CIROP: variants seen among roughly 807,000 people sequenced by gnomAD.
CIROP encodes ciliated left-right organizer metallopeptidase, also known as leishmanolysin homolog.
chr14:23,101,666 C>T, the CIROP span: 22 of 703,044 alleles, frequency 3.1e-5, no homozygotes, highest in African/African-American at 3.3e-4. Flanking sequence ...CTTATCTACT[C>T]ACCCCATTGG....
chr14:23,104,458 G>A, the CIROP span: 3 of 703,020 alleles, frequency 4.3e-6, no homozygotes, highest in East Asian at 2.7e-5. Flanking sequence ...CTCAGAAGCA[G>A]GGGTCCTTGC....
At chr14:23,101,523 C>A in the CIROP span, 3 of 639,282 alleles carry the variant, frequency 4.7e-6, no homozygotes, top group East Asian at 5.6e-5. Context: ...GGGGATTATC[C>A]ACCCCAGCAG....
chr14:23,103,873 G>A, the CIROP span: 249 of 680,316 alleles, frequency 3.7e-4, 1 homozygote, highest in East Asian at 6.4e-3. Context: ...TAGGAAATTG[G>A]GTATGAGGAG....
the CIROP span, chr14:23,099,548 C>T: frequency 1.6e-5 from 6 of 383,042 alleles, no homozygotes; most frequent in East Asian, 3.8e-5. Flanking sequence ...GTAGATAAAG[C>T]GGCATTACCT....
chr14:23,101,136 C>T, the CIROP span: 142 of 401,810 alleles, frequency 3.5e-4, no homozygotes, highest in Non-Finnish European at 4.1e-4. Flanking sequence ...AGTCTTCCTT[C>T]TAAGGAAAAT....
chr14:23,102,472 T>C, the CIROP span: 1 of 702,276 alleles, frequency 1.4e-6, no homozygotes, highest in Non-Finnish European at 2.6e-6. Context: ...AGTTGCCTTG[T>C]AGAACAGTTC....
At chr14:23,104,491 T>C in the CIROP span, 1 of 702,908 alleles carries the variant, frequency 1.4e-6, no homozygotes, top group Non-Finnish European at 2.6e-6. Context: ...TGATAAGAAG[T>C]CAGTTTCTCC....
At chr14:23,103,834 A>C in the CIROP span, 1 of 701,154 alleles carries the variant, frequency 1.4e-6, no homozygotes, top group Non-Finnish European at 2.6e-6. Context: ...AGGGAGTGAA[A>C]TGTTGCATTA....
the CIROP span, chr14:23,104,358 C>A: frequency 5.7e-6 from 4 of 702,210 alleles, 1 homozygote; most frequent in South Asian, 5.9e-5. Context: ...AAAAGAATTA[C>A]ATACATTGTC....
At chr14:23,103,710 C>T in the CIROP span, 2 of 703,022 alleles carry the variant, frequency 2.8e-6, no homozygotes, top group Non-Finnish European at 5.2e-6. Flanking sequence ...GCAACTCGCA[C>T]ATACAGGAGA....
chr14:23,101,217 G>A, the CIROP span: 1 of 434,686 alleles, frequency 2.3e-6, no homozygotes, highest in Non-Finnish European at 4.1e-6. Context: ...AAACAGGTTG[G>A]ACAGTACCAC....
chr14:23,103,327 T>G, the CIROP span: 1 of 367,568 alleles, frequency 2.7e-6, no homozygotes, highest in African/African-American at 2.1e-5. Context: ...GGTGGGCAGA[T>G]TGCTTGAGCC....
At chr14:23,104,282 C>T in the CIROP span, 1 of 687,464 alleles carries the variant, frequency 1.5e-6, no homozygotes, top group Non-Finnish European at 2.7e-6. Flanking sequence ...ATCCTGGGTT[C>T]AAGAGGCTGC....
chr14:23,104,813 C>T, the CIROP span: 1 of 702,534 alleles, frequency 1.4e-6, no homozygotes, highest in African/African-American at 1.7e-5. Context: ...AGAAAGGGGG[C>T]CTGAGAAGGC....
At chr14:23,104,914 G>A in the CIROP span, 8 of 677,086 alleles carry the variant, frequency 1.2e-5, no homozygotes, top group Admixed American at 1.5e-4. Flanking sequence ...AGCAGCAGCA[G>A]CAGCATCTCC....
At chr14:23,104,950 C>G in the CIROP span, 9 of 664,308 alleles carry the variant, frequency 1.4e-5, no homozygotes, top group South Asian at 1.5e-4. Context: ...GTAGATACAG[C>G]CTGGATCCTG....
chr14:23,100,236 C>T, the CIROP span: 1 of 291,322 alleles, frequency 3.4e-6, no homozygotes, highest in Non-Finnish European at 6.6e-6. Context: ...GCCTGGGTGA[C>T]AGAGCGAGAC....
the CIROP span, chr14:23,102,550 TAGAA>T: frequency 5.0e-5 from 35 of 699,874 alleles, no homozygotes; most frequent in Admixed American, 2.0e-5. Context: ...GAAGTAAAAT[TAGAA>T]GGAAGGACGT....
the CIROP span, chr14:23,101,779 A>T: frequency 1.4e-6 from 1 of 702,806 alleles, no homozygotes; most frequent in South Asian, 1.5e-5. Context: ...TGTGGAATGG[A>T]TGGTAGAGTG....
Sources: allele counts gnomAD v4.1 joint callset, GRCh38; gene constraint gnomAD v4.1.1; transcripts MANE v1.5; gene names NCBI Gene and HGNC (gene_info 2026-07-23, HGNC 2026-07-21).